The following RTL4 variants were observed in gnomAD, a reference collection of about 807,000 sequenced individuals.
RTL4 encodes retrotransposon Gag like 4, also known as retrotransposon Gag-like protein 4.
A neutral mutation model predicts 5.3 loss-of-function variants in RTL4; 4 were observed. That is an observed-to-expected ratio of 0.75 (90% CI 0.37 to 1.72). The LOEUF (loss-of-function observed/expected upper bound fraction) is 1.72, where lower values mean the gene tolerates loss of function less well. Among genes scored for constraint, RTL4 ranks in the 40% most tolerant of loss-of-function variants. RTL4 has a pLI of 0.04. For missense variants in RTL4, 260 were observed against 227.1 expected, an observed-to-expected ratio of 1.14 and a Z score of -0.93; for synonymous variants, 98 against 87.3, an observed-to-expected ratio of 1.12 and a Z score of -0.68.
chrX:112,311,740 C>G, the RTL4 span, among the ~76,000 whole-genome samples: 1 of 111,195 alleles, frequency 9.0e-6, no homozygotes, highest in South Asian at 3.8e-4. Context: ...GGTGCTCTGG[C>G]CTGCCTCCTA....
chrX:112,089,922 G>A, the RTL4 span, among the ~76,000 whole-genome samples: 1 of 111,369 alleles, frequency 9.0e-6, no homozygotes, highest in Non-Finnish European at 1.9e-5. Flanking sequence ...ATTACTTTCA[G>A]CAGTGTTTTG....
the RTL4 span, among the ~76,000 whole-genome samples, chrX:112,148,450 G>C: frequency 9.0e-6 from 1 of 111,494 alleles, no homozygotes; most frequent in Non-Finnish European, 1.9e-5. Context: ...TCAGGGGATG[G>C]AGCAGGGCCA....
At chrX:112,269,030 T>C in the RTL4 span, among the ~76,000 whole-genome samples, 4 of 112,107 alleles carry the variant, frequency 3.6e-5, no homozygotes, top group Non-Finnish European at 7.5e-5. Flanking sequence ...TCTGCACCCC[T>C]AGGATCTATT....
At chrX:112,222,527 A>C in the RTL4 span, among the ~76,000 whole-genome samples, 1 of 110,570 alleles carries the variant, frequency 9.0e-6, no homozygotes, top group Admixed American at 9.7e-5. Context: ...CAGAAGTTCA[A>C]GACCAGCCTA....
chrX:112,452,354 G>A (rs1926755425), upstream of RTL4, among the ~76,000 whole-genome samples: 1 of 103,533 alleles, frequency 9.7e-6, no homozygotes, highest in Non-Finnish European at 2.0e-5. Flanking sequence ...ACCCACCTCG[G>A]CCTCCCAAAG....
chrX:112,367,186 G>A, the RTL4 span, among the ~76,000 whole-genome samples: 1 of 111,321 alleles, frequency 9.0e-6, no homozygotes, highest in Non-Finnish European at 1.9e-5. Context: ...TCCTTCCCCT[G>A]TAAATAGCAG....
the RTL4 span, among the ~76,000 whole-genome samples, chrX:112,398,650 C>T: frequency 9.0e-6 from 1 of 111,075 alleles, no homozygotes; most frequent in Non-Finnish European, 1.9e-5. Context: ...CCGCCCGCCT[C>T]GGCCTCCCAA....
the RTL4 span, chrX:112,381,697 G>T: frequency 2.5e-6 from 3 of 1,208,422 alleles, no homozygotes; most frequent in Admixed American, 6.5e-5. Flanking sequence ...GTTTGAAGCG[G>T]AAGTTGCAGG....
the RTL4 span, among the ~76,000 whole-genome samples, chrX:112,216,745 C>T: frequency 6.3e-5 from 7 of 111,759 alleles, no homozygotes; most frequent in Non-Finnish European, 1.1e-4. Flanking sequence ...TCTTCTCAAG[C>T]GTGTTTATTT....
At chrX:112,438,445 C>A in the RTL4 span, among the ~76,000 whole-genome samples, 1 of 112,579 alleles carries the variant, frequency 8.9e-6, no homozygotes, top group African/African-American at 3.2e-5. Flanking sequence ...CACTTCTAGA[C>A]TCTCCCAGAC....
At chrX:112,349,427 C>G in the RTL4 span, among the ~76,000 whole-genome samples, 4 of 110,755 alleles carry the variant, frequency 3.6e-5, no homozygotes, top group Non-Finnish European at 7.6e-5. Context: ...GATGGGGATA[C>G]CATTGAATCT....
At chrX:112,181,377 G>A in the RTL4 span, among the ~76,000 whole-genome samples, 1 of 111,726 alleles carries the variant, frequency 9.0e-6, no homozygotes, top group African/African-American at 3.3e-5. Context: ...GAGCCAAGTG[G>A]TCTAGCTCAG....
chrX:112,205,040 C>T, the RTL4 span, among the ~76,000 whole-genome samples: 1 of 111,696 alleles, frequency 9.0e-6, no homozygotes, highest in African/African-American at 3.3e-5. Flanking sequence ...TGCAACCTTG[C>T]TGATATCTGT....
the RTL4 span, among the ~76,000 whole-genome samples, chrX:112,201,143 G>A: frequency 9.0e-6 from 1 of 111,100 alleles, no homozygotes; most frequent in African/African-American, 3.3e-5. Flanking sequence ...AAGAAGAAGT[G>A]CTGAGCGAAG....
chrX:112,083,352 G>A, the RTL4 span, among the ~76,000 whole-genome samples: 1 of 112,630 alleles, frequency 8.9e-6, no homozygotes, highest in South Asian at 3.7e-4. Flanking sequence ...CGGTGGTGGC[G>A]AGGCTGCTCC....
chrX:112,427,032 TTC>T, the RTL4 span, among the ~76,000 whole-genome samples: 1 of 111,368 alleles, frequency 9.0e-6, no homozygotes, highest in African/African-American at 3.2e-5. Context: ...ATTATACCAA[TTC>T]TCTACAATAT....
At chrX:112,442,775 ATTT>A in the RTL4 span, among the ~76,000 whole-genome samples, 25 of 110,488 alleles carry the variant, frequency 2.3e-4, no homozygotes, top group African/African-American at 8.2e-4. Flanking sequence ...TTTTTTAATA[ATTT>A]TTTATTTTTT....
chrX:112,372,328 A>G, the RTL4 span, among the ~76,000 whole-genome samples: 5 of 111,906 alleles, frequency 4.5e-5, no homozygotes, highest in African/African-American at 6.5e-5. Context: ...TTTGCTATAT[A>G]ATATCCTGTT....
the RTL4 span, among the ~76,000 whole-genome samples, chrX:112,300,249 T>C: frequency 8.9e-6 from 1 of 112,192 alleles, no homozygotes; most frequent in African/African-American, 3.2e-5. Flanking sequence ...TTATAACAGC[T>C]GCATAATATT....
Sources: gnomAD v4.1 joint callset for allele counts (sites outside exome capture counted in the v4.1 genomes callset) on GRCh38, gnomAD v4.1.1 for gene constraint, MANE v1.5 for transcripts, NCBI Gene and HGNC (gene_info 2026-07-23, HGNC 2026-07-21) for gene names.